Variants in PRKG1 observed in about 807,000 individuals in gnomAD.
The protein encoded by PRKG1 is cGMP-dependent protein kinase 1.
Under a neutral mutation model 88.1 loss-of-function variants are expected in PRKG1, and 35 were observed. That is an observed-to-expected ratio of 0.40 (90% CI 0.30 to 0.53). The LOEUF (loss-of-function observed/expected upper bound fraction) is 0.53, where lower values mean the gene tolerates loss of function less well. PRKG1 is among the 20% of genes least tolerant of loss of function. The pLI, the probability that PRKG1 is intolerant of heterozygous loss-of-function variation, is 0.59. For synonymous variants in PRKG1, 303 were observed against 292.5 expected, an observed-to-expected ratio of 1.04 and a Z score of -0.37; for missense variants, 540 against 839.8, an observed-to-expected ratio of 0.64 and a Z score of 4.41.
chr10:51,101,399 G>T (rs1286600250), intron 1 of PRKG1, among the ~76,000 whole-genome samples: 1 of 152,156 alleles, frequency 6.6e-6, no homozygotes, highest in Non-Finnish European at 1.5e-5. Context: ...AGAACTGTGA[G>T]AAATACATCT....
chr10:51,579,056 A>G (rs1470316321), intron 3 of PRKG1, among the ~76,000 whole-genome samples: 1 of 135,552 alleles, frequency 7.4e-6, no homozygotes, highest in African/African-American at 2.8e-5. Context: ...ATCTCAGCTC[A>G]CTGCAACTTC....
intron 5 of PRKG1, among the ~76,000 whole-genome samples, chr10:52,016,050 A>G (rs1352461880): frequency 1.3e-5 from 2 of 152,328 alleles, no homozygotes; most frequent in East Asian, 1.9e-4. Context: ...TGAGCCTTCC[A>G]AACTGTTCCA....
At chr10:51,299,513 G>T in intron 2 of PRKG1, 1 of 465,392 alleles carries the variant, frequency 2.1e-6, no homozygotes. Context: ...GCCTCTTTTT[G>T]CTCATTCTTT....
intron 2 of PRKG1, among the ~76,000 whole-genome samples, chr10:51,274,129 T>C (rs922213307): frequency 1.3e-5 from 2 of 152,196 alleles, no homozygotes; most frequent in African/African-American, 4.8e-5. Context: ...GACACCTTCC[T>C]GGTGTCATAA....
intron 2 of PRKG1, among the ~76,000 whole-genome samples, chr10:51,170,961 T>C (rs1299961709): frequency 6.6e-6 from 1 of 152,164 alleles, no homozygotes. Context: ...ATAAACTTTC[T>C]GGTACCAAGC....
At chr10:51,087,110 G>C (rs1442584915) in intron 1 of PRKG1, among the ~76,000 whole-genome samples, 1 of 152,044 alleles carries the variant, frequency 6.6e-6, no homozygotes, top group Non-Finnish European at 1.5e-5. Context: ...TCAATCCATT[G>C]CTTTATCATC....
At chr10:51,301,143 A>G (rs563722032) in intron 2 of PRKG1, among the ~76,000 whole-genome samples, 32 of 152,330 alleles carry the variant, frequency 2.1e-4, no homozygotes, top group African/African-American at 7.7e-4. Context: ...TAGTGAAAGA[A>G]ACTGGCCGTC....
At chr10:52,066,991 G>A (rs928833700) in intron 7 of PRKG1, among the ~76,000 whole-genome samples, 1 of 151,862 alleles carries the variant, frequency 6.6e-6, no homozygotes, top group African/African-American at 2.4e-5. Context: ...CCTGTAACTT[G>A]TTTTTCACTG....
At chr10:51,396,341 C>A (rs116227535) in intron 2 of PRKG1, among the ~76,000 whole-genome samples, 44 of 151,230 alleles carry the variant, frequency 2.9e-4, no homozygotes, top group African/African-American at 1.0e-3. Flanking sequence ...TTTGAGGTTA[C>A]GGTGATCGCA....
At chr10:51,796,937 T>C (rs1839026607) in intron 3 of PRKG1, among the ~76,000 whole-genome samples, 3 of 151,410 alleles carry the variant, frequency 2.0e-5, no homozygotes, top group Admixed American at 2.0e-4. Flanking sequence ...GAATCTTGAC[T>C]AAGATTGACT....
chr10:52,101,724 C>T (rs1366805576), intron 7 of PRKG1, among the ~76,000 whole-genome samples: 3 of 152,172 alleles, frequency 2.0e-5, no homozygotes, highest in South Asian at 4.1e-4. Flanking sequence ...CCAAGGCGAC[C>T]TAGCCAGTAG....
At chr10:51,381,862 C>T (rs1233245469) in intron 2 of PRKG1, among the ~76,000 whole-genome samples, 2 of 152,120 alleles carry the variant, frequency 1.3e-5, no homozygotes, top group Non-Finnish European at 2.9e-5. Flanking sequence ...TATCATACAA[C>T]ATTGTTGATT....
At chr10:51,840,516 A>ATTTT (rs957060424) in intron 4 of PRKG1, among the ~76,000 whole-genome samples, 2 of 136,310 alleles carry the variant, frequency 1.5e-5, no homozygotes, top group African/African-American at 5.6e-5. Context: ...TGAACCCTCT[A>ATTTT]TTTTATTTAT....
Position 51,131,740 on chromosome 10 carries a change from T to G in PRKG1, c.312-21424T>G, listed in dbSNP as rs577471912. Among the ~76,000 whole-genome samples, 9 of 152,342 alleles carry G rather than the reference T, an allele frequency of 5.9e-5. No individual in the cohort carries two copies. The South Asian group carries it at 1.9e-3, about 32-fold the overall frequency. On this transcript the variant is annotated intron_variant, in intron 1 of 17. Coordinates refer to ENST00000373980, the MANE Select transcript of PRKG1 (RefSeq NM_006258.4). ...AATAGTATATGGTTCTTCATTCCTTTTTCATTCAAACAGCTTTCATTGAGT... is the reference window on the plus strand; with the variant it reads ...AATAGTATATGGTTCTTCATTCCTTGTTCATTCAAACAGCTTTCATTGAGT...
chr10:51,824,501 A>C (rs1236379186), intron 4 of PRKG1, among the ~76,000 whole-genome samples: 1 of 152,150 alleles, frequency 6.6e-6, no homozygotes, highest in African/African-American at 2.4e-5. Context: ...ATTAATGTCT[A>C]ACACACTTGT....
intron 2 of PRKG1, among the ~76,000 whole-genome samples, chr10:51,205,122 C>CTTTTTTTTTTTTTTTTTT (rs1838013743): frequency 2.9e-5 from 1 of 34,934 alleles, no homozygotes; most frequent in Non-Finnish European, 6.0e-5. Flanking sequence ...TTTTCATTTT[C>CTTTTTTTTTTTTTTTTTT]TTTTCTTTTT....
At chr10:51,744,610 T>C (rs910482001) in intron 3 of PRKG1, among the ~76,000 whole-genome samples, 9 of 152,238 alleles carry the variant, frequency 5.9e-5, no homozygotes, top group Non-Finnish European at 1.3e-4. Context: ...CTTGTTTGTA[T>C]GAGAAAGACA....
At chr10:51,982,214 C>G (rs531102892) in intron 5 of PRKG1, among the ~76,000 whole-genome samples, 4 of 152,154 alleles carry the variant, frequency 2.6e-5, no homozygotes, top group Non-Finnish European at 5.9e-5. Context: ...GCTCCTGTAT[C>G]ATTTTATTGT....
chr10:51,353,369 A>C (rs558670866), intron 2 of PRKG1, among the ~76,000 whole-genome samples: 4 of 152,162 alleles, frequency 2.6e-5, no homozygotes, highest in Non-Finnish European at 4.4e-5. Context: ...CAACCCATAG[A>C]ATGGGAGAAA....
Sources: gnomAD v4.1 joint callset for allele counts (sites outside exome capture counted in the v4.1 genomes callset) on GRCh38, gnomAD v4.1.1 for gene constraint, MANE v1.5 for transcripts, NCBI Gene and HGNC (gene_info 2026-07-23, HGNC 2026-07-21) for gene names.